Variants in SNX6 observed in about 807,000 individuals in gnomAD.
SNX6 encodes sorting nexin 6.
A neutral mutation model predicts 63.0 loss-of-function variants in SNX6; 34 were observed. The ratio of observed to expected loss-of-function variants is 0.54; its 90% confidence interval spans 0.41 to 0.72. SNX6 has a LOEUF of 0.72. Ranked by LOEUF, SNX6 falls within the 30% of genes least tolerant of loss-of-function variation. The pLI is 0.00. For missense variants in SNX6, 398 were observed against 471.4 expected, an observed-to-expected ratio of 0.84 and a Z score of 1.44; for synonymous variants, 170 against 164.2, an observed-to-expected ratio of 1.04 and a Z score of -0.27.
rs533792878 is a variant in SNX6, at chr14:34,593,469, G to C, written c.613-319C>G. On this transcript the variant is annotated intron_variant, in intron 7 of 13. Transcript: ENST00000362031. ...GGCTGGAGTGCAGTGGCGTGATCTTGGTTCACTGCAACCTCTGCCTCCCGG... is the reference window on the plus strand; with the variant it reads ...GGCTGGAGTGCAGTGGCGTGATCTTCGTTCACTGCAACCTCTGCCTCCCGG... 2.0e-4 allele frequency among the ~76,000 whole-genome samples: 31 copies of C among 151,330 alleles called. No individual in the cohort carries two copies. In the South Asian group the frequency reaches 5.8e-3, roughly 28 times the overall value.
chr14:34,626,434 CACA>C (rs1883826049), intron 2 of SNX6, among the ~76,000 whole-genome samples: 1 of 150,868 alleles, frequency 6.6e-6, no homozygotes, highest in Non-Finnish European at 1.5e-5. Flanking sequence ...GCAGGCAGAT[CACA>C]ACGTCAGGAG....
chr14:34,584,561 T>C (rs974970064), intron 9 of SNX6, among the ~76,000 whole-genome samples: 1 of 152,056 alleles, frequency 6.6e-6, no homozygotes, highest in East Asian at 1.9e-4. Context: ...CAATTTCACC[T>C]TCAATGAAAT....
chr14:34,612,305 C>A (rs541571504), intron 2 of SNX6, among the ~76,000 whole-genome samples: 1 of 152,126 alleles, frequency 6.6e-6, no homozygotes, highest in Admixed American at 6.6e-5. Flanking sequence ...TATCTACATC[C>A]AAATTCCTAG....
rs775935774 is a variant in SNX6, at chr14:34,608,012, T to C, written c.270+18A>G. 3 of 1,271,354 alleles carry C rather than the reference T, an allele frequency of 2.4e-6. No individual in the cohort carries two copies. The highest frequency in any genetic ancestry group is 1.3e-5 in the South Asian group (1 of 75,458). 78.8% of individuals were successfully genotyped at this position (1,271,354 alleles called of 1,614,324 possible). ...AACCTCCTAGAAAATGGAATTAAAA[T>C]GGAGTCTCAATACTTACGATATAAC... is the stretch of plus-strand genomic sequence containing the variant. On this transcript the variant is annotated intron_variant, in intron 4 of 13. Transcript: ENST00000362031.
rs1037764907 is a variant in SNX6 at position 34,621,951 on chromosome 14, C to CTTTTTTTTTTT, written c.54+7945_54+7955dup. On this transcript the variant is annotated intron_variant, in intron 2 of 13. Coordinates refer to ENST00000362031, the MANE Select transcript of SNX6 (RefSeq NM_152233.4). ...GTTTTTTCACCTGGGCATGTCTTTC[C>CTTTTTTTTTTT]TTTTTTTTTTTTTTTTTTTTTTTTG... Among the ~76,000 whole-genome samples, 30 of 77,416 alleles carry CTTTTTTTTTTT rather than the reference C, an allele frequency of 3.9e-4. 1 individual carries two copies. The highest frequency in any genetic ancestry group is 6.9e-4 in the African/African-American group (12 of 17,380). 50.8% of individuals were successfully genotyped at this position (77,416 alleles called of 152,430 possible).
At chr14:34,601,607 T>C (rs145723090) in intron 6 of SNX6, among the ~76,000 whole-genome samples, 385 of 151,452 alleles carry the variant, frequency 2.5e-3, no homozygotes, top group African/African-American at 9.1e-3. Flanking sequence ...TATTTTTATT[T>C]TTTGAGATGG....
At chr14:34,585,445 G>A (rs960500261) in intron 9 of SNX6, among the ~76,000 whole-genome samples, 3 of 152,038 alleles carry the variant, frequency 2.0e-5, no homozygotes, top group Non-Finnish European at 4.4e-5. Context: ...GCTTGAACGT[G>A]GAAGGAGAAT....
intron 10 of SNX6, among the ~76,000 whole-genome samples, chr14:34,578,286 C>T (rs1048580543): frequency 7.9e-5 from 12 of 152,220 alleles, no homozygotes; most frequent in African/African-American, 2.9e-4. Context: ...GATTCTTGTA[C>T]TATTTTCTGC....
intron 7 of SNX6, 149 bp downstream of exon 7, chr14:34,597,401 A>C (rs1346764644): frequency 2.1e-5 from 12 of 581,226 alleles, no homozygotes; most frequent in Non-Finnish European, 3.6e-5. Flanking sequence ...AGAGGAATCT[A>C]GGTCAGGAGG....
chr14:34,589,464 CACAAA>C (rs1882306317), intron 8 of SNX6, among the ~76,000 whole-genome samples: 1 of 151,660 alleles, frequency 6.6e-6, no homozygotes, highest in Non-Finnish European at 1.5e-5. Flanking sequence ...AAAACAAAAA[CACAAA>C]ACAAAACAAA....
rs752460563 is a variant in SNX6 at position 34,629,895 on chromosome 14, G to A, written c.54+12C>T. ...TCCAGGGTCCCGCGAGCGAAAGGAA[G>A]GCAGAACTTACTCCGCGGTCCTCTT... On this transcript the variant is annotated intron_variant, in intron 2 of 13. Transcript: ENST00000362031. 6.4e-7 allele frequency: 1 copy of A among 1,556,458 alleles called. No individual in the cohort carries two copies. Among genetic ancestry groups the A allele is most frequent in the South Asian group, 1.2e-5 (1 of 84,172 alleles).
chr14:34,565,609 C>T (rs1024734700), intron 13 of SNX6, among the ~76,000 whole-genome samples: 2 of 152,132 alleles, frequency 1.3e-5, no homozygotes, highest in Admixed American at 6.6e-5. Context: ...CTCCGCCTCC[C>T]GGGTTCGAGC....
At chr14:34,628,376 G>A (rs999115154) in intron 2 of SNX6, among the ~76,000 whole-genome samples, 3 of 152,106 alleles carry the variant, frequency 2.0e-5, no homozygotes, top group East Asian at 3.9e-4. Flanking sequence ...GGAGAATGGC[G>A]TGAACCCGGG....
intron 2 of SNX6, among the ~76,000 whole-genome samples, chr14:34,613,413 G>C (rs1883304389): frequency 6.6e-6 from 1 of 152,196 alleles, no homozygotes; most frequent in South Asian, 2.1e-4. Context: ...ATAATGACTA[G>C]CATTTCTCCA....
chr14:34,587,560 A>G (rs1167202654), intron 8 of SNX6, among the ~76,000 whole-genome samples: 5 of 130,398 alleles, frequency 3.8e-5, no homozygotes, highest in South Asian at 5.2e-4. Context: ...AAAAAAAAAA[A>G]GGGCATCTAA....
At chr14:34,568,634 GTTTT>G in intron 11 of SNX6, 53 of 624,704 alleles carry the variant, frequency 8.5e-5, no homozygotes, top group Non-Finnish European at 1.1e-4. Context: ...CACTCAGCCT[GTTTT>G]TTTTTTTTTT....
intron 11 of SNX6, among the ~76,000 whole-genome samples, chr14:34,569,308 C>T (rs942001104): frequency 2.0e-5 from 3 of 152,122 alleles, no homozygotes; most frequent in Non-Finnish European, 4.4e-5. Context: ...CTTTCATCAC[C>T]CAAAAAGAAA....
intron 8 of SNX6, among the ~76,000 whole-genome samples, chr14:34,592,222 C>A (rs1882421994): frequency 2.0e-5 from 3 of 151,892 alleles, no homozygotes; most frequent in Admixed American, 1.3e-4. Context: ...CCCATCTCTA[C>A]TAAAAATACA....
At position 34,563,116 on chromosome 14, in the gene SNX6, T is replaced by C; in HGVS notation, c.*6A>G. On this transcript the variant is annotated 3_prime_UTR_variant, in exon 14 of 14. Coordinates refer to ENST00000362031, the MANE Select transcript of SNX6 (RefSeq NM_152233.4). ...AGCCCTTTTTAACAGGAAGGCGGAGTGTGGCTTATGTGTCTCCATTTAACA... is the reference window on the plus strand; with the variant it reads ...AGCCCTTTTTAACAGGAAGGCGGAGCGTGGCTTATGTGTCTCCATTTAACA... 3.1e-6 allele frequency: 5 copies of C among 1,612,972 alleles called. No individual in the cohort carries two copies. The highest frequency in any genetic ancestry group is 4.2e-6 in the Non-Finnish European group (5 of 1,179,402).
Sources: allele counts gnomAD v4.1 joint callset (sites outside exome capture counted in the v4.1 genomes callset), GRCh38; gene constraint gnomAD v4.1.1; transcripts MANE v1.5; gene names NCBI Gene and HGNC (gene_info 2026-07-23, HGNC 2026-07-21).